The following PTPRD variants were observed in gnomAD, a reference collection of about 807,000 sequenced individuals.
The protein encoded by PTPRD is receptor-type tyrosine-protein phosphatase delta.
A neutral mutation model predicts 214.5 loss-of-function variants in PTPRD; 34 were observed. That is an observed-to-expected ratio of 0.16 (90% CI 0.12 to 0.21). The LOEUF is 0.21. Ranked by LOEUF, PTPRD falls within the 10% of genes least tolerant of loss-of-function variation. PTPRD has a pLI of 1.00. For synonymous variants in PTPRD, 1,128 were observed against 845.7 expected, an observed-to-expected ratio of 1.33 and a Z score of -5.79; for missense variants, 2,545 against 2,398.7, an observed-to-expected ratio of 1.06 and a Z score of -1.27.
At chr9:8,763,856 A>G (rs961925883) in intron 11 of PTPRD, among the ~76,000 whole-genome samples, 28 of 152,304 alleles carry the variant, frequency 1.8e-4, no homozygotes, top group African/African-American at 6.5e-4. Flanking sequence ...AAAAAGCCAC[A>G]AAATGTATTT....
intron 3 of PTPRD, among the ~76,000 whole-genome samples, chr9:10,183,592 C>A (rs1364179321): frequency 6.6e-6 from 1 of 152,032 alleles, no homozygotes; most frequent in African/African-American, 2.4e-5. Flanking sequence ...TATTTAATTT[C>A]TTTCTTTTTT....
At position 9,952,644 on chromosome 9, in the gene PTPRD, C is replaced by A. The variant is rs561631121; in HGVS notation, c.-471-14034G>T. 3.0e-4 allele frequency among the ~76,000 whole-genome samples: 46 copies of A among 152,206 alleles called. No homozygotes were observed. The East Asian group carries it at 7.9e-3, about 26-fold the overall frequency. The stretch of plus-strand genomic sequence containing the variant: ...ATTAACTATATATATAATAACTATT[C>A]TCCCTTCCCTAAAGAGTCCTTGCAC... On this transcript the variant is annotated intron_variant, in intron 4 of 45. Coordinates refer to ENST00000381196, the MANE Select transcript of PTPRD (RefSeq NM_002839.4).
intron 11 of PTPRD, among the ~76,000 whole-genome samples, chr9:8,796,911 GA>G (rs773739434): frequency 9.6e-4 from 146 of 152,088 alleles, no homozygotes; most frequent in Non-Finnish European, 1.7e-3. Context: ...ATTATATTCA[GA>G]GTATTTTCCA....
intron 10 of PTPRD, among the ~76,000 whole-genome samples, chr9:9,158,548 C>T (rs1220090407): frequency 2.6e-5 from 4 of 151,884 alleles, no homozygotes; most frequent in Non-Finnish European, 4.4e-5. Context: ...TGTAGTGAGC[C>T]GAGATCGTGG....
intron 3 of PTPRD, among the ~76,000 whole-genome samples, chr9:10,065,081 C>T (rs184559382): frequency 1.7e-4 from 25 of 149,398 alleles, no homozygotes; most frequent in Middle Eastern, 3.4e-3. Context: ...TAGATTGCTA[C>T]GCTGTCTCTG....
chr9:8,383,060 T>A (rs2085674583), intron 37 of PTPRD, among the ~76,000 whole-genome samples: 1 of 152,226 alleles, frequency 6.6e-6, no homozygotes, highest in African/African-American at 2.4e-5. Context: ...ACAATAGCAC[T>A]GCCATTTATA....
intron 8 of PTPRD, among the ~76,000 whole-genome samples, chr9:9,498,429 G>T (rs905833434): frequency 1.3e-5 from 2 of 152,178 alleles, no homozygotes; most frequent in Admixed American, 6.5e-5. Flanking sequence ...TTCACCTGGG[G>T]TTTCATTTAG....
intron 11 of PTPRD, among the ~76,000 whole-genome samples, chr9:9,002,446 T>C (rs1039325650): frequency 6.6e-6 from 1 of 151,936 alleles, no homozygotes; most frequent in East Asian, 1.9e-4. Flanking sequence ...AGTGAAAAAA[T>C]TGATTATTCT....
chr9:10,428,118 C>T (rs1490930164), intron 2 of PTPRD, among the ~76,000 whole-genome samples: 3 of 151,880 alleles, frequency 2.0e-5, no homozygotes, highest in Non-Finnish European at 4.4e-5. Context: ...AGTTTGAGAC[C>T]AGCCTGGCCA....
At chr9:9,962,979 C>A (rs1009890669) in intron 4 of PTPRD, among the ~76,000 whole-genome samples, 6 of 151,282 alleles carry the variant, frequency 4.0e-5, no homozygotes, top group Non-Finnish European at 8.9e-5. Flanking sequence ...TATAGTAGTA[C>A]CATTATAGTA....
At chr9:9,666,098 T>C (rs1032744661) in intron 7 of PTPRD, among the ~76,000 whole-genome samples, 5 of 151,908 alleles carry the variant, frequency 3.3e-5, no homozygotes, top group Admixed American at 1.3e-4. Context: ...TCAAGTTGTA[T>C]ACCCATAAAC....
At chr9:10,008,641 C>T (rs1378414797) in intron 4 of PTPRD, among the ~76,000 whole-genome samples, 1 of 151,972 alleles carries the variant, frequency 6.6e-6, no homozygotes. Flanking sequence ...TCTCATCCTT[C>T]CTTATTTCAA....
At chr9:9,203,840 G>C (rs2099943283) in intron 9 of PTPRD, among the ~76,000 whole-genome samples, 1 of 152,146 alleles carries the variant, frequency 6.6e-6, no homozygotes, top group African/African-American at 2.4e-5. Flanking sequence ...GTAGAAAATG[G>C]CTATTTTAGA....
At chr9:10,410,928 T>G (rs1411252234) in intron 2 of PTPRD, among the ~76,000 whole-genome samples, 1 of 151,776 alleles carries the variant, frequency 6.6e-6, no homozygotes, top group Non-Finnish European at 1.5e-5. Context: ...TCCATGTTAG[T>G]TAGCTTTTCC....
chr9:10,251,399 C>CT (rs148395499), intron 3 of PTPRD, among the ~76,000 whole-genome samples: 88 of 149,458 alleles, frequency 5.9e-4, no homozygotes, highest in South Asian at 5.3e-3. Context: ...TCTTTCCATT[C>CT]TTTTTTTTTT....
At chr9:9,344,972 A>C (rs946545028) in intron 9 of PTPRD, among the ~76,000 whole-genome samples, 1 of 152,090 alleles carries the variant, frequency 6.6e-6, no homozygotes, top group African/African-American at 2.4e-5. Flanking sequence ...ATAGAACATG[A>C]AAATTGGTGG....
intron 8 of PTPRD, among the ~76,000 whole-genome samples, chr9:9,502,635 G>C (rs1384373399): frequency 2.6e-5 from 4 of 151,812 alleles, no homozygotes; most frequent in Non-Finnish European, 5.9e-5. Context: ...AATCAAGCAA[G>C]ATTGTTTATA....
intron 9 of PTPRD, among the ~76,000 whole-genome samples, chr9:9,222,214 G>C (rs983439915): frequency 2.0e-5 from 3 of 152,044 alleles, no homozygotes; most frequent in East Asian, 3.9e-4. Flanking sequence ...TATAGCCTGT[G>C]ATAGACCACT....
At position 10,052,718 on chromosome 9, in the gene PTPRD, C is replaced by T. The variant is rs183421720; in HGVS notation, c.-544-18928G>A. ...CTCATTCAAAGTCTATGCTTTTCCT[C>T]CTGAAACATCACAAACTTTCTTCTT... On this transcript the variant is annotated intron_variant, in intron 3 of 45. Coordinates refer to ENST00000381196, the MANE Select transcript of PTPRD (RefSeq NM_002839.4). Among the ~76,000 whole-genome samples, 15 of 152,222 alleles carry T rather than the reference C, an allele frequency of 9.9e-5. No individual in the cohort carries two copies. The East Asian group carries it at 2.9e-3, about 30-fold the overall frequency.
Sources: allele counts gnomAD v4.1 joint callset (sites outside exome capture counted in the v4.1 genomes callset), GRCh38; gene constraint gnomAD v4.1.1; transcripts MANE v1.5; gene names NCBI Gene and HGNC (gene_info 2026-07-23, HGNC 2026-07-21).